The following DAB1 variants were observed in gnomAD, a reference collection of about 807,000 sequenced individuals.
DAB1 encodes the protein DAB adaptor protein 1.
DAB1 carries 15 observed loss-of-function variants against 64.6 expected under a neutral mutation model. The ratio of observed to expected loss-of-function variants is 0.23; its 90% confidence interval spans 0.16 to 0.36. The LOEUF (loss-of-function observed/expected upper bound fraction) is 0.36. Ranked by LOEUF, DAB1 falls within the 10% of genes least tolerant of loss-of-function variation. The pLI is 1.00. For missense variants in DAB1, 596 were observed against 706.7 expected (o/e 0.84, Z 1.78); for synonymous variants, 235 against 251.9 (o/e 0.93, Z 0.64).
intron 2 of DAB1, among the ~76,000 whole-genome samples, chr1:57,262,586 C>T (rs1424780967): frequency 6.6e-6 from 1 of 152,208 alleles, no homozygotes; most frequent in Non-Finnish European, 1.5e-5. Flanking sequence ...ATTTTACTTA[C>T]ACCTACTTTC....
intron 1 of DAB1, among the ~76,000 whole-genome samples, chr1:57,868,411 C>T (rs541123641): frequency 1.3e-5 from 2 of 152,202 alleles, no homozygotes; most frequent in African/African-American, 2.4e-5. Flanking sequence ...TTTTGGTTGC[C>T]AGAGGCCATC....
At chr1:57,184,362 G>T (rs116148408) in intron 2 of DAB1, among the ~76,000 whole-genome samples, 134 of 152,260 alleles carry the variant, frequency 8.8e-4, no homozygotes, top group Non-Finnish European at 1.4e-3. Flanking sequence ...CGCTGCATCC[G>T]TTCTTGCCCT....
chr1:58,427,813 C>T (rs754714039), intron 3 of DAB1, among the ~76,000 whole-genome samples: 4 of 151,840 alleles, frequency 2.6e-5, no homozygotes, highest in Admixed American at 6.6e-5. Context: ...AGGGGAGAGG[C>T]CTGAAATAAA....
intron 1 of DAB1, among the ~76,000 whole-genome samples, chr1:57,294,417 G>A (rs989455324): frequency 1.3e-5 from 2 of 151,760 alleles, no homozygotes; most frequent in African/African-American, 2.4e-5. Context: ...TTATTGATGG[G>A]GTGGGGGCCA....
chr1:58,506,344 TGTTACATAC>T, intron 2 of DAB1: 1 of 565,750 alleles, frequency 1.8e-6, no homozygotes, highest in Non-Finnish European at 3.1e-6. Context: ...CGTGCAGGTT[TGTTACATAC>T]GTATACATGT....
At chr1:58,068,828 T>C (rs1220550226) in intron 5 of DAB1, among the ~76,000 whole-genome samples, 1 of 148,794 alleles carries the variant, frequency 6.7e-6, no homozygotes, top group Non-Finnish European at 1.5e-5. Flanking sequence ...TTGGGTCCAA[T>C]GTTCTTCCAA....
At chr1:57,615,930 C>T (rs1403416711) in intron 7 of DAB1, among the ~76,000 whole-genome samples, 1 of 152,108 alleles carries the variant, frequency 6.6e-6, no homozygotes, top group African/African-American at 2.4e-5. Context: ...GTGTGAGGGC[C>T]CCTGTAAGTA....
chr1:57,009,052 G>A (rs1235542097), intron 14 of DAB1, among the ~76,000 whole-genome samples: 1 of 152,182 alleles, frequency 6.6e-6, no homozygotes, highest in African/African-American at 2.4e-5. Context: ...AAAGATGAGG[G>A]TTTAATACAT....
chr1:57,023,070 G>A (rs1345239953), intron 11 of DAB1, among the ~76,000 whole-genome samples: 6 of 152,230 alleles, frequency 3.9e-5, no homozygotes, highest in Non-Finnish European at 7.3e-5. Context: ...TTGTCCCATA[G>A]GGTGCTCCCC....
intron 5 of DAB1, among the ~76,000 whole-genome samples, chr1:58,128,314 C>T (rs989240766): frequency 2.1e-4 from 31 of 149,488 alleles, no homozygotes; most frequent in African/African-American, 7.2e-4. Flanking sequence ...GATTTTGTAT[C>T]CTGAGACTTT....
intron 4 of DAB1, among the ~76,000 whole-genome samples, chr1:58,230,211 A>T (rs72910436): frequency 0.069 from 10,439 of 152,284 alleles, 436 homozygotes; most frequent in African/African-American, 0.11. Context: ...GAAGGAAGTC[A>T]TCAGATATTC....
chr1:57,691,717 C>T (rs1467210851), intron 6 of DAB1, among the ~76,000 whole-genome samples: 1 of 152,118 alleles, frequency 6.6e-6, no homozygotes, highest in African/African-American at 2.4e-5. Context: ...AGGTCTGCAG[C>T]TTCATTCTTG....
chr1:57,651,954 T>C (rs1646261517), intron 6 of DAB1, among the ~76,000 whole-genome samples: 1 of 152,322 alleles, frequency 6.6e-6, no homozygotes, highest in South Asian at 2.1e-4. Context: ...TCATTATTTC[T>C]GGGCTTAAAC....
intron 2 of DAB1, among the ~76,000 whole-genome samples, chr1:57,199,757 AGTCAAT>A (rs1390054520): frequency 2.6e-5 from 4 of 152,188 alleles, no homozygotes. Context: ...TGTGACCTTG[AGTCAAT>A]CATTCTCACC....
At chr1:57,494,216 T>C (rs1379536647) in intron 7 of DAB1, among the ~76,000 whole-genome samples, 1 of 152,178 alleles carries the variant, frequency 6.6e-6, no homozygotes, top group Non-Finnish European at 1.5e-5. Flanking sequence ...TGAATTCCAT[T>C]TCTAAACCTA....
chr1:57,121,402 G>C (rs1656651587), intron 4 of DAB1, among the ~76,000 whole-genome samples: 1 of 151,832 alleles, frequency 6.6e-6, no homozygotes, highest in African/African-American at 2.4e-5. Flanking sequence ...GATGTCTTTT[G>C]GTATCTGCAC....
chr1:57,519,307 A>G (rs1454822554), intron 7 of DAB1, among the ~76,000 whole-genome samples: 1 of 152,182 alleles, frequency 6.6e-6, no homozygotes, highest in South Asian at 2.1e-4. Flanking sequence ...GGGCAAGTTG[A>G]GATAAGCCTG....
chr1:58,403,936 T>A (rs557292247), intron 3 of DAB1, among the ~76,000 whole-genome samples: 1 of 152,320 alleles, frequency 6.6e-6, no homozygotes, highest in African/African-American at 2.4e-5. Flanking sequence ...AACAGAATAG[T>A]AGAAAAGACT....
chr1:57,290,839 A>G, intron 2 of DAB1, 125 bp downstream of exon 2: 1 of 582,766 alleles, frequency 1.7e-6, no homozygotes, highest in South Asian at 2.9e-5. Context: ...AACACAAAAC[A>G]CACAAAATAA....
Sources: allele counts gnomAD v4.1 joint callset (sites outside exome capture counted in the v4.1 genomes callset), GRCh38; gene constraint gnomAD v4.1.1; transcripts MANE v1.5; gene names NCBI Gene and HGNC (gene_info 2026-07-23, HGNC 2026-07-21).